Variants in LHFPL3 observed in about 807,000 individuals in gnomAD.
The protein encoded by LHFPL3 is LHFPL tetraspan subfamily member 3 protein.
Under a neutral mutation model 19.3 loss-of-function variants are expected in LHFPL3, and 5 were observed. The observed-to-expected ratio is 0.26, with a 90% CI of 0.14 to 0.54. LHFPL3 has a LOEUF of 0.54. LHFPL3 is among the 20% of genes least tolerant of loss of function. The probability of loss-of-function intolerance (pLI) is 0.94; values close to 1 mark genes in which losing one functional copy is unlikely to be tolerated. For missense variants in LHFPL3, 249 were observed against 307.4 expected (o/e 0.81, Z 1.42); for synonymous variants, 133 against 126.2 (o/e 1.05, Z -0.36).
intron 2 of LHFPL3, among the ~76,000 whole-genome samples, chr7:104,802,034 C>T (rs1318765604): frequency 1.3e-5 from 2 of 152,104 alleles, no homozygotes; most frequent in Non-Finnish European, 1.5e-5. Context: ...TCACTGTTAA[C>T]CTTTCTTCCC....
At chr7:104,445,388 T>G (rs1175404626) in intron 1 of LHFPL3, among the ~76,000 whole-genome samples, 1 of 152,192 alleles carries the variant, frequency 6.6e-6, no homozygotes, top group Non-Finnish European at 1.5e-5. Context: ...TACCAAATCT[T>G]TCTAATCTTT....
intron 1 of LHFPL3, among the ~76,000 whole-genome samples, chr7:104,721,539 T>TAA (rs34139277): frequency 3.2e-4 from 48 of 148,082 alleles, no homozygotes; most frequent in African/African-American, 1.0e-3. Flanking sequence ...AAAGTATAAT[T>TAA]AAAAAAAAAA....
chr7:104,854,483 G>A (rs1043565299), intron 2 of LHFPL3, among the ~76,000 whole-genome samples: 7 of 152,128 alleles, frequency 4.6e-5, no homozygotes, highest in Admixed American at 1.3e-4. Flanking sequence ...TCCTTATACT[G>A]AAGAAATGTA....
intron 1 of LHFPL3, among the ~76,000 whole-genome samples, chr7:104,608,433 G>C (rs1348733965): frequency 6.8e-6 from 1 of 147,260 alleles, no homozygotes; most frequent in East Asian, 2.0e-4. Context: ...ACTCATAGGT[G>C]GGAATTGAAC....
At chr7:104,807,009 ATATGTGTGTGTG>A (rs760418382) in intron 2 of LHFPL3, among the ~76,000 whole-genome samples, 4 of 71,336 alleles carry the variant, frequency 5.6e-5, no homozygotes, top group African/African-American at 1.7e-4. Flanking sequence ...ACCAAAATAT[ATATGTGTGTGTG>A]TGTGTGTGTG....
intron 1 of LHFPL3, among the ~76,000 whole-genome samples, chr7:104,596,577 G>A (rs76716716): frequency 0.11 from 17,199 of 152,110 alleles, 1,165 homozygotes; most frequent in East Asian, 0.32. Context: ...CCTCTGTTCC[G>A]GTCTATCTGT....
chr7:104,755,383 G>T (rs1249613310), intron 2 of LHFPL3, among the ~76,000 whole-genome samples: 2 of 152,072 alleles, frequency 1.3e-5, no homozygotes, highest in Admixed American at 1.3e-4. Flanking sequence ...TAGAATTGGG[G>T]CCACTCATGC....
rs145892942 is a variant in LHFPL3, at chr7:104,581,871, G to A, written c.446-154804G>A. The stretch of plus-strand genomic sequence containing the variant: ...TCTATTCTTACGCCATTACCACACT[G>A]TCTTGATTAATGTAGCTTGATAATA... On this transcript the variant is annotated intron_variant, in intron 1 of 2. Coordinates refer to ENST00000424859, the MANE Select transcript of LHFPL3 (RefSeq NM_199000.3). 4.0e-3 allele frequency among the ~76,000 whole-genome samples: 611 copies of A among 152,012 alleles called. 7 individuals are homozygous for A. The highest frequency in any genetic ancestry group is 0.014 in the African/African-American group (561 of 41,518).
At chr7:104,616,874 A>C (rs1001976444) in intron 1 of LHFPL3, among the ~76,000 whole-genome samples, 1 of 152,236 alleles carries the variant, frequency 6.6e-6, no homozygotes, top group African/African-American at 2.4e-5. Context: ...GAAGACATTT[A>C]TGTGGCAAAC....
chr7:104,571,382 C>A (rs1428131115), intron 1 of LHFPL3, among the ~76,000 whole-genome samples: 1 of 151,960 alleles, frequency 6.6e-6, no homozygotes, highest in Non-Finnish European at 1.5e-5. Context: ...TAGTCAGTGG[C>A]AAAGGATGAG....
At chr7:104,640,931 T>TGATTTTGAC (rs1360040761) in intron 1 of LHFPL3, among the ~76,000 whole-genome samples, 4 of 152,234 alleles carry the variant, frequency 2.6e-5, no homozygotes, top group Non-Finnish European at 4.4e-5. Context: ...ACAAAAAAGT[T>TGATTTTGAC]ACGTTTGATT....
chr7:104,548,933 G>C (rs1584394363), intron 1 of LHFPL3, among the ~76,000 whole-genome samples: 1 of 152,304 alleles, frequency 6.6e-6, no homozygotes, highest in Non-Finnish European at 1.5e-5. Flanking sequence ...AATGTGTTTT[G>C]ATTGAAATGT....
intron 1 of LHFPL3, among the ~76,000 whole-genome samples, chr7:104,603,587 C>T (rs932715340): frequency 1.3e-5 from 2 of 152,172 alleles, no homozygotes; most frequent in African/African-American, 4.8e-5. Context: ...AAATTCAAGG[C>T]ATGATTCATC....
intron 1 of LHFPL3, among the ~76,000 whole-genome samples, chr7:104,658,473 G>C (rs137934991): frequency 4.1e-4 from 62 of 152,278 alleles, no homozygotes; most frequent in African/African-American, 1.4e-3. Context: ...GATTGCATCA[G>C]TGTTCTCCAT....
intron 2 of LHFPL3, among the ~76,000 whole-genome samples, chr7:104,790,801 C>T (rs796303040): frequency 1.3e-4 from 20 of 152,238 alleles, no homozygotes; most frequent in African/African-American, 4.8e-4. Flanking sequence ...TTTTCAAGCC[C>T]CATTTTCCTT....
At chr7:104,345,247 C>G (rs1357874421) in intron 1 of LHFPL3, among the ~76,000 whole-genome samples, 3 of 152,132 alleles carry the variant, frequency 2.0e-5, no homozygotes, top group Non-Finnish European at 4.4e-5. Context: ...CTTGTGTATT[C>G]TCTATGTTCT....
At chr7:104,529,005 C>G (rs564185995) in intron 1 of LHFPL3, among the ~76,000 whole-genome samples, 1 of 152,142 alleles carries the variant, frequency 6.6e-6, no homozygotes, top group Admixed American at 6.5e-5. Context: ...CTCAGTGAAG[C>G]CTTTTCCTGC....
At chr7:104,766,300 A>G (rs1220408316) in intron 2 of LHFPL3, among the ~76,000 whole-genome samples, 1 of 152,234 alleles carries the variant, frequency 6.6e-6, no homozygotes, top group Non-Finnish European at 1.5e-5. Flanking sequence ...AGGCTTTGGT[A>G]GAGGCCAATA....
intron 1 of LHFPL3, among the ~76,000 whole-genome samples, chr7:104,534,120 G>A (rs751123920): frequency 6.6e-6 from 1 of 151,988 alleles, no homozygotes; most frequent in Admixed American, 6.6e-5. Context: ...GCTTCCTAAC[G>A]GTCTCCAGTC....
Sources: gnomAD v4.1 joint callset for allele counts (sites outside exome capture counted in the v4.1 genomes callset) on GRCh38, gnomAD v4.1.1 for gene constraint, MANE v1.5 for transcripts, NCBI Gene and HGNC (gene_info 2026-07-23, HGNC 2026-07-21) for gene names.